Variants in HESX1 observed in about 807,000 individuals in gnomAD.
HESX1 encodes the protein HESX homeobox 1.
A neutral mutation model predicts 22.5 loss-of-function variants in HESX1; 11 were observed. The observed-to-expected ratio is 0.49, with a 90% CI of 0.31 to 0.81. HESX1 has a LOEUF of 0.81. Ranked by LOEUF, HESX1 falls within the 30% of genes least tolerant of loss-of-function variation. The probability of loss-of-function intolerance (pLI) is 0.05; values close to 1 mark genes in which losing one functional copy is unlikely to be tolerated. For missense variants in HESX1, 201 were observed against 212.6 expected, an observed-to-expected ratio of 0.95 and a Z score of 0.34; for synonymous variants, 74 against 76.5, an observed-to-expected ratio of 0.97 and a Z score of 0.17.
upstream of HESX1, among the ~76,000 whole-genome samples, chr3:57,201,871 ATCTATATCTATCTATCTATCTATCTATC>A (rs1559498155): frequency 1.4e-5 from 2 of 142,104 alleles, no homozygotes; most frequent in Non-Finnish European, 3.0e-5. Flanking sequence ...ATATCTATCT[ATCTATATCTATCTATCTATCTATCTATC>A]TATCTATCTA....
chr3:57,206,648 A>G (rs1274481443), intron 1 of HESX1, among the ~76,000 whole-genome samples: 1 of 152,236 alleles, frequency 6.6e-6, no homozygotes, highest in African/African-American at 2.4e-5. Context: ...GTCGCCTCCA[A>G]GGGCAAATAA....
intron 1 of HESX1, among the ~76,000 whole-genome samples, chr3:57,211,542 A>AAAAAAAAAAC (rs2060554021): frequency 6.8e-6 from 1 of 146,274 alleles, no homozygotes; most frequent in African/African-American, 2.5e-5. Context: ...AAAAAAAAAA[A>AAAAAAAAAAC]AAAAAAAAAG....
chr3:57,207,438 T>C (rs9823350), intron 1 of HESX1, among the ~76,000 whole-genome samples: 10,628 of 152,194 alleles, frequency 0.07, 1,247 homozygotes, highest in African/African-American at 0.24. Flanking sequence ...GTCTGGATTG[T>C]GGACAAGATG....
chr3:57,210,786 T>C (rs975600529), intron 1 of HESX1, among the ~76,000 whole-genome samples: 1 of 152,232 alleles, frequency 6.6e-6, no homozygotes, highest in Non-Finnish European at 1.5e-5. Context: ...GGTTTAACTA[T>C]TGTTTTTTAA....
At chr3:57,201,357 T>C (rs2060484787), upstream of HESX1, among the ~76,000 whole-genome samples, 1 of 152,130 alleles carries the variant, frequency 6.6e-6, no homozygotes, top group Non-Finnish European at 1.5e-5. Flanking sequence ...TATATAGTGC[T>C]GAGATGTAGA....
At chr3:57,201,865 CTATCTATCTA>C (rs1011632536), upstream of HESX1, among the ~76,000 whole-genome samples, 4 of 96,534 alleles carry the variant, frequency 4.1e-5, no homozygotes, top group East Asian at 7.7e-4. Context: ...ATATCTATAT[CTATCTATCTA>C]TATCTATCTA....
chr3:57,217,519 ACTTGAGGAC>A (rs1422662271), intron 1 of HESX1, among the ~76,000 whole-genome samples: 2 of 151,830 alleles, frequency 1.3e-5, no homozygotes, highest in African/African-American at 4.8e-5. Context: ...TCCTTACCTC[ACTTGAGGAC>A]CAATCCCCTG....
intron 1 of HESX1, among the ~76,000 whole-genome samples, chr3:57,207,512 T>C (rs1050448885): frequency 1.3e-5 from 2 of 152,158 alleles, no homozygotes; most frequent in Non-Finnish European, 2.9e-5. Flanking sequence ...GCCCTGTGGA[T>C]TGTGGATTGG....
At chr3:57,201,678 T>C (rs531376016), upstream of HESX1, among the ~76,000 whole-genome samples, 4 of 150,356 alleles carry the variant, frequency 2.7e-5, no homozygotes, top group East Asian at 2.0e-4. Flanking sequence ...AGTGGAGGGG[T>C]AGATGTCAGT....
At chr3:57,198,973 C>G in intron 1 of HESX1, 21 bp from the exon 2 acceptor site, 1 of 1,603,092 alleles carries the variant, frequency 6.2e-7, no homozygotes, top group Non-Finnish European at 8.5e-7. Context: ...AAAAATAAGC[C>G]CTGTCTTAGA....
chr3:57,214,717 G>A (rs1405302414), intron 1 of HESX1, among the ~76,000 whole-genome samples: 2 of 152,168 alleles, frequency 1.3e-5, no homozygotes, highest in Non-Finnish European at 2.9e-5. Flanking sequence ...TTTCAGAGAT[G>A]TGCTGAGGCA....
upstream of HESX1, among the ~76,000 whole-genome samples, chr3:57,201,861 ATATCTATCTATCTATATC>A (rs1456506182): frequency 4.1e-5 from 6 of 146,440 alleles, no homozygotes; most frequent in Non-Finnish European, 7.5e-5. Flanking sequence ...TTACATATCT[ATATCTATCTATCTATATC>A]TATCTATCTA....
chr3:57,198,030 C>A lies in HESX1; in HGVS notation c.*167G>T, dbSNP rs990851282. ...AAGGTCTTTACTATAACTAAAAGTG[C>A]CCAAATATGTACCATGCTATAATAG... On this transcript the variant is annotated 3_prime_UTR_variant, in exon 4 of 4. Coordinates refer to ENST00000295934, the MANE Select transcript of HESX1 (RefSeq NM_003865.3). The A allele has an allele frequency of 5.5e-6, 3 of 544,208 alleles. No individual in the cohort carries two copies. The highest frequency in any genetic ancestry group is 3.3e-5 in the Admixed American group (1 of 29,892). 33.7% of individuals were successfully genotyped at this position (544,208 alleles called of 1,614,324 possible).
At chr3:57,206,016 CAG>C (rs1358740788) in intron 1 of HESX1, among the ~76,000 whole-genome samples, 6 of 152,204 alleles carry the variant, frequency 3.9e-5, no homozygotes, top group African/African-American at 1.4e-4. Context: ...CATGGTGAAA[CAG>C]TGTTTCTATT....
At chr3:57,221,862 C>T (rs1454986128) in intron 1 of HESX1, among the ~76,000 whole-genome samples, 2 of 152,226 alleles carry the variant, frequency 1.3e-5, no homozygotes, top group Non-Finnish European at 2.9e-5. Context: ...GCCTTGGCCT[C>T]CCAAAGTGCT....
upstream of HESX1, among the ~76,000 whole-genome samples, chr3:57,203,834 G>A (rs1474864309): frequency 6.6e-6 from 1 of 151,706 alleles, no homozygotes; most frequent in Non-Finnish European, 1.5e-5. Flanking sequence ...GGATTCAGGC[G>A]TGTAATTTGT....
At chr3:57,212,635 A>G (rs994391023) in intron 1 of HESX1, among the ~76,000 whole-genome samples, 3 of 151,830 alleles carry the variant, frequency 2.0e-5, no homozygotes, top group Non-Finnish European at 4.4e-5. Flanking sequence ...AAAAAGATTC[A>G]TTCTATACAA....
chr3:57,204,747 T>C (rs2060510158), upstream of HESX1, among the ~76,000 whole-genome samples: 1 of 150,766 alleles, frequency 6.6e-6, no homozygotes, highest in African/African-American at 2.4e-5. Flanking sequence ...TATAGTGAGC[T>C]GTATTCATGC....
At chr3:57,215,722 G>A (rs1184844718) in intron 1 of HESX1, among the ~76,000 whole-genome samples, 1 of 152,068 alleles carries the variant, frequency 6.6e-6, no homozygotes, top group South Asian at 2.1e-4. Context: ...AGCCAAGGTC[G>A]TGCCATTGCA....
Sources: gnomAD v4.1 joint callset for allele counts (sites outside exome capture counted in the v4.1 genomes callset) on GRCh38, gnomAD v4.1.1 for gene constraint, MANE v1.5 for transcripts, NCBI Gene and HGNC (gene_info 2026-07-23, HGNC 2026-07-21) for gene names.